ETS1: variants seen among roughly 807,000 people sequenced by gnomAD.
The protein encoded by ETS1 is ETS proto-oncogene 1, transcription factor.
ETS1 carries 15 observed loss-of-function variants against 58.6 expected under a neutral mutation model. The observed-to-expected ratio is 0.26, with a 90% CI of 0.17 to 0.39. ETS1 has a LOEUF of 0.39. ETS1 is among the 10% of genes least tolerant of loss of function. ETS1 has a pLI of 1.00. For missense variants in ETS1, 417 were observed against 610.5 expected (o/e 0.68, Z 3.34); for synonymous variants, 214 against 218.2 (o/e 0.98, Z 0.17).
rs559736209 is a variant in ETS1 at position 128,468,654 on chromosome 11, C to T, written c.1124-5027G>A. Among the ~76,000 whole-genome samples the T allele has an allele frequency of 6.6e-5, 10 of 152,246 alleles. No individual in the cohort carries two copies. In the East Asian group the frequency reaches 1.7e-3, roughly 26 times the overall value. ...TTTCTTCCAAACAGAAGGAGGTCAA[C>T]GCTGGGCAGGCACCTTCCCAGGCAG... On this transcript the variant is annotated intron_variant, in intron 8 of 9. Transcript: ENST00000392668.
chr11:128,491,608 T>C (rs1484985738), intron 3 of ETS1, among the ~76,000 whole-genome samples: 1 of 152,232 alleles, frequency 6.6e-6, no homozygotes, highest in Non-Finnish European at 1.5e-5. Flanking sequence ...AAAGATCATT[T>C]TGTTTTAAGA....
intron 3 of ETS1, among the ~76,000 whole-genome samples, chr11:128,552,909 G>A (rs1261698061): frequency 6.6e-6 from 1 of 152,218 alleles, no homozygotes; most frequent in Non-Finnish European, 1.5e-5. Context: ...TGAGCTCTTA[G>A]AGACAGGAGC....
chr11:128,504,823 T>C (rs1352790033), intron 3 of ETS1, among the ~76,000 whole-genome samples: 1 of 152,206 alleles, frequency 6.6e-6, no homozygotes, highest in Admixed American at 6.5e-5. Flanking sequence ...CCTCCCCAAG[T>C]TATTAAGAAT....
intron 2 of ETS1, among the ~76,000 whole-genome samples, chr11:128,559,850 GC>G (rs1864376762): frequency 6.6e-6 from 1 of 152,146 alleles, no homozygotes; most frequent in South Asian, 2.1e-4. Flanking sequence ...GGGCAGCCCA[GC>G]CCCCACCTCA....
At chr11:128,523,944 T>A (rs1257071611) in intron 3 of ETS1, among the ~76,000 whole-genome samples, 1 of 151,984 alleles carries the variant, frequency 6.6e-6, no homozygotes, top group African/African-American at 2.4e-5. Flanking sequence ...CTTGAATCAA[T>A]TCTGCCTTAC....
chr11:128,527,043 T>C (rs920322586), intron 3 of ETS1: 1 of 449,944 alleles, frequency 2.2e-6, no homozygotes, highest in Non-Finnish European at 4.5e-6. Flanking sequence ...GCAGGAGAAG[T>C]ACCAGACACC....
In ETS1 at chr11:128,459,153, T is replaced by A. The variant is rs920984825; in HGVS notation, c.*3208A>T. ...AAAAAGTATTCTTAAAAAAAAAAGT[T>A]CAATAACTGAGGCAGTATTCCTGAT... On this transcript the variant is annotated 3_prime_UTR_variant, in exon 10 of 10. Coordinates refer to ENST00000392668, the MANE Select transcript of ETS1 (RefSeq NM_001143820.2). 1.3e-5 allele frequency: 2 copies of A among 151,000 alleles called. No individual in the cohort carries two copies. The highest frequency in any genetic ancestry group is 1.9e-4 in the East Asian group (1 of 5,198). The allele number at this position is 151,000 out of a possible 1,614,324, so 9.4% of individuals were successfully genotyped here.
chr11:128,587,169 G>A (rs1865048166), intron 1 of ETS1, among the ~76,000 whole-genome samples: 3 of 44,208 alleles, frequency 6.8e-5, no homozygotes, highest in South Asian at 1.0e-3. Context: ...GCTCCAATTT[G>A]CAAAAAAAAA....
rs1373774985 is a variant in ETS1, at chr11:128,549,143, C to G, written c.214+7148G>C. ...AATGAGGGAGCTGGGTCTCCTGCCT[C>G]GGCAGCTATAAACACAGTGAACATC... is the stretch of plus-strand genomic sequence containing the variant. On this transcript the variant is annotated intron_variant, in intron 3 of 9. Transcript: ENST00000392668. The surrounding 1 kb of genome is among the most constrained non-coding windows in gnomAD (Gnocchi z 4.3). Among the ~76,000 whole-genome samples the G allele has an allele frequency of 6.6e-6, 1 of 152,192 alleles. No homozygotes were observed. The highest frequency in any genetic ancestry group is 2.4e-5 in the African/African-American group (1 of 41,450).
chr11:128,570,817 A>G (rs1864611465), intron 2 of ETS1, among the ~76,000 whole-genome samples: 1 of 152,200 alleles, frequency 6.6e-6, no homozygotes, highest in African/African-American at 2.4e-5. Flanking sequence ...CCTCGATATG[A>G]TCTTAAACTG....
At chr11:128,585,417 T>G (rs1054436471) in intron 1 of ETS1, among the ~76,000 whole-genome samples, 1 of 152,042 alleles carries the variant, frequency 6.6e-6, no homozygotes, top group Non-Finnish European at 1.5e-5. Context: ...TGTGAACAGT[T>G]GGGAATTTTG....
chr11:128,515,336 A>G (rs922111272), intron 3 of ETS1, among the ~76,000 whole-genome samples: 3 of 152,154 alleles, frequency 2.0e-5, no homozygotes, highest in African/African-American at 7.2e-5. Context: ...AAGCAAAAAT[A>G]AATGGCTTAT....
intron 3 of ETS1, among the ~76,000 whole-genome samples, chr11:128,551,892 C>T (rs1864235038): frequency 6.6e-6 from 1 of 152,152 alleles, no homozygotes; most frequent in Admixed American, 6.5e-5. Flanking sequence ...TCTAGACCAG[C>T]AGCATCAGCA....
chr11:128,521,757 TCTCCTC>T (rs900552345), intron 3 of ETS1, among the ~76,000 whole-genome samples: 10 of 151,514 alleles, frequency 6.6e-5, no homozygotes, highest in Admixed American at 2.6e-4. Context: ...TCCTCCTCCT[TCTCCTC>T]CTCGTCCTCC....
chr11:128,494,196 G>A (rs1862877636), intron 3 of ETS1, among the ~76,000 whole-genome samples: 3 of 152,152 alleles, frequency 2.0e-5, no homozygotes, highest in Admixed American at 6.5e-5. Context: ...AAAATGCTGA[G>A]AATCCGGCCT....
chr11:128,517,134 C>T (rs969023193), intron 3 of ETS1, among the ~76,000 whole-genome samples: 1 of 152,178 alleles, frequency 6.6e-6, no homozygotes, highest in Admixed American at 6.5e-5. Context: ...GGACAACCCA[C>T]AGGATGGACC....
chr11:128,498,783 T>C (rs1379076536), intron 3 of ETS1, among the ~76,000 whole-genome samples: 5 of 152,196 alleles, frequency 3.3e-5, no homozygotes, highest in African/African-American at 1.2e-4. Context: ...ACCACCTCCA[T>C]AGGGTACATT....
chr11:128,490,476 T>C lies in ETS1; in HGVS notation c.315A>G (p.Gln105=). 1.2e-6 allele frequency: 2 copies of C among 1,614,188 alleles called. No individual in the cohort carries two copies. The highest frequency in any genetic ancestry group is 1.7e-6 in the Non-Finnish European group (2 of 1,179,990). ...CCATACCTTTTGGGATCCCCAGTCG[T>C]TGCTGTTCTTTAGTGAAACCACTGA... is the stretch of plus-strand genomic sequence containing the variant. ...ATFSGFTKEQ[Q]RLGIPKDPRQ... The change falls in exon 4 of 10, where the codon CAA becomes CAG. Residue 105 remains glutamine, a synonymous_variant. Transcript: ENST00000392668.
At chr11:128,508,446 G>T (rs1164852130) in intron 3 of ETS1, among the ~76,000 whole-genome samples, 1 of 152,106 alleles carries the variant, frequency 6.6e-6, no homozygotes, top group Non-Finnish European at 1.5e-5. Context: ...TCAAACCCAG[G>T]GCTGTCTTAC....
Sources: allele counts gnomAD v4.1 joint callset (sites outside exome capture counted in the v4.1 genomes callset), GRCh38; gene constraint gnomAD v4.1.1; non-coding constraint Gnocchi (gnomAD v3.1); transcripts MANE v1.5; gene names NCBI Gene and HGNC (gene_info 2026-07-23, HGNC 2026-07-21).